Variants in LVRN observed in about 807,000 individuals in gnomAD.
LVRN encodes the protein laeverin, also known as aminopeptidase Q.
Under a neutral mutation model 111.4 loss-of-function variants are expected in LVRN, and 99 were observed. That is an observed-to-expected ratio of 0.89 (90% CI 0.76 to 1.05). The LOEUF is 1.05. LVRN is among the 50% of genes least tolerant of loss of function. The pLI, the probability that LVRN is intolerant of heterozygous loss-of-function variation, is 0.00. For synonymous variants in LVRN, 488 were observed against 449.5 expected (o/e 1.09, Z -1.08); for missense variants, 1,414 against 1,206.8 (o/e 1.17, Z -2.54).
rs775716633 is a variant in LVRN, at chr5:116,000,646, G to T, written c.1635G>T (p.Arg545Ser). 5 of 1,613,746 alleles carry T rather than the reference G, an allele frequency of 3.1e-6. No homozygotes were observed. Among genetic ancestry groups the T allele is most frequent in the Non-Finnish European group, 4.2e-6 (5 of 1,179,818 alleles). ...YSNAEQDDLW[R>S]HFQMAIDDQS... Reference sequence around the variant, plus strand: ...ACGCTGAGCAAGATGATCTATGGAGGCATTTTCAAATGGTAATTGTCCTAC... The same window carrying T: ...ACGCTGAGCAAGATGATCTATGGAGTCATTTTCAAATGGTAATTGTCCTAC... The change falls in exon 9 of 20, where the codon AGG becomes AGT. Residue 545 changes from arginine to serine, a missense_variant. By Grantham distance (110) the Arg-to-Ser change is moderately radical (BLOSUM62 -1). Coordinates refer to ENST00000357872, the MANE Select transcript of LVRN (RefSeq NM_173800.5).
At chr5:116,018,886 G>A (rs2560691) in intron 18 of LVRN, among the ~76,000 whole-genome samples, 43,147 of 151,904 alleles carry the variant, frequency 0.28, 6,545 homozygotes, top group African/African-American at 0.37. Context: ...TAAGTTCACA[G>A]CAAAATTAAG....
intron 1 of LVRN, 77 bp from the exon 2 acceptor site, chr5:115,983,210 C>T: frequency 7.0e-7 from 1 of 1,431,242 alleles, no homozygotes; most frequent in Non-Finnish European, 9.2e-7. Context: ...AACTTACAAG[C>T]CATCATCTCT....
chr5:115,988,598 T>G (rs1204727648), intron 4 of LVRN, among the ~76,000 whole-genome samples: 3 of 152,162 alleles, frequency 2.0e-5, no homozygotes, highest in Admixed American at 6.5e-5. Flanking sequence ...GACATGTTAG[T>G]TGAAGACTTG....
chr5:115,997,508 T>A (rs1350664014), intron 6 of LVRN, among the ~76,000 whole-genome samples: 1 of 151,954 alleles, frequency 6.6e-6, no homozygotes, highest in Non-Finnish European at 1.5e-5. Flanking sequence ...TACTAAAATT[T>A]TTTTAATTAG....
rs79475794 is a variant in LVRN at position 116,022,184 on chromosome 5, G to T, written c.2757-207G>T. 2,692 of 432,456 alleles carry T rather than the reference G, an allele frequency of 6.2e-3. 71 individuals are homozygous for T. Among genetic ancestry groups the T allele is most frequent in the African/African-American group, 0.052 (2,476 of 47,800 alleles). The allele number at this position is 432,456 out of a possible 1,614,324, so 26.8% of individuals were successfully genotyped here. On this transcript the variant is annotated intron_variant, in intron 18 of 19. Coordinates refer to ENST00000357872, the MANE Select transcript of LVRN (RefSeq NM_173800.5). ...TTTTAGATTTAGATAATAGATTTGT[G>T]TAACACATATAAGTATTTAACTTCC...
intron 10 of LVRN, 77 bp from the exon 11 acceptor site, chr5:116,002,758 C>A: frequency 9.5e-7 from 1 of 1,056,660 alleles, no homozygotes. Flanking sequence ...GCTATTTCAT[C>A]ATCTCTTTAA....
At chr5:116,003,007 T>C (rs1346479) in intron 11 of LVRN, 96 bp downstream of exon 11, 514,962 of 1,093,286 alleles carry the variant, frequency 0.47, 122,408 homozygotes, top group South Asian at 0.53. Context: ...AGCCATTTCA[T>C]TTCAAACTAA....
intron 1 of LVRN, among the ~76,000 whole-genome samples, chr5:115,967,132 G>T (rs953412350): frequency 2.6e-5 from 4 of 152,204 alleles, no homozygotes; most frequent in Admixed American, 6.5e-5. Flanking sequence ...GAGAATAAAA[G>T]TTTTAAATAA....
chr5:116,017,770 A>T (rs1238003469), intron 18 of LVRN, among the ~76,000 whole-genome samples: 1 of 152,246 alleles, frequency 6.6e-6, no homozygotes, highest in African/African-American at 2.4e-5. Context: ...TTGGTACATA[A>T]TAAATGTTTA....
intron 18 of LVRN, among the ~76,000 whole-genome samples, chr5:116,017,441 G>A (rs943473984): frequency 6.6e-6 from 1 of 152,158 alleles, no homozygotes; most frequent in Admixed American, 6.6e-5. Flanking sequence ...CTAGAATCGG[G>A]GCATGGGGAT....
At chr5:115,987,665 G>A in intron 3 of LVRN, 148 bp from the exon 4 acceptor site, 1 of 890,374 alleles carries the variant, frequency 1.1e-6, no homozygotes, top group South Asian at 1.8e-5. Flanking sequence ...GTTTTCTCAG[G>A]ACATGTAAGC....
chr5:115,973,726 A>G, intron 1 of LVRN, among the ~76,000 whole-genome samples: 1 of 152,230 alleles, frequency 6.6e-6, no homozygotes, highest in East Asian at 1.9e-4. Flanking sequence ...TATTTTAAAC[A>G]TCTATAAAAT....
At chr5:115,971,438 C>T (rs1376609421) in intron 1 of LVRN, among the ~76,000 whole-genome samples, 1 of 151,962 alleles carries the variant, frequency 6.6e-6, no homozygotes, top group East Asian at 1.9e-4. Flanking sequence ...TCTTCTATGC[C>T]TTCTTTCAGA....
intron 1 of LVRN, among the ~76,000 whole-genome samples, chr5:115,965,655 T>C (rs1416662468): frequency 1.3e-5 from 2 of 152,140 alleles, no homozygotes; most frequent in Non-Finnish European, 2.9e-5. Flanking sequence ...AATTGGAACA[T>C]GGGGGTGGTT....
intron 6 of LVRN, 119 bp downstream of exon 6, chr5:115,993,973 T>C (rs1326644671): frequency 3.8e-6 from 2 of 533,180 alleles, no homozygotes; most frequent in Admixed American, 4.1e-5. Flanking sequence ...TTACCTATAA[T>C]ACCAAAAATA....
intron 1 of LVRN, among the ~76,000 whole-genome samples, chr5:115,977,448 T>C (rs1192541881): frequency 6.6e-6 from 1 of 152,154 alleles, no homozygotes; most frequent in African/African-American, 2.4e-5. Flanking sequence ...GAAATAGTTG[T>C]TTTATATATT....
chr5:115,984,810 C>G, intron 3 of LVRN, 101 bp downstream of exon 3: 1 of 1,471,328 alleles, frequency 6.8e-7, no homozygotes, highest in Non-Finnish European at 9.2e-7. Context: ...ATCCCCAAAT[C>G]GCTTCCTAGT....
intron 1 of LVRN, among the ~76,000 whole-genome samples, chr5:115,970,384 C>CTTTT (rs3984987): frequency 9.0e-4 from 120 of 133,834 alleles, no homozygotes; most frequent in African/African-American, 2.3e-3. Flanking sequence ...GAAATACATT[C>CTTTT]TTTTTTTTTT....
intron 3 of LVRN, among the ~76,000 whole-genome samples, chr5:115,987,461 T>G (rs1245871991): frequency 6.6e-6 from 1 of 152,138 alleles, no homozygotes; most frequent in Non-Finnish European, 1.5e-5. Flanking sequence ...TAGTAATATA[T>G]CCTGAAATGG....
Sources: gnomAD v4.1 joint callset for allele counts (sites outside exome capture counted in the v4.1 genomes callset) on GRCh38, gnomAD v4.1.1 for gene constraint, MANE v1.5 for transcripts, NCBI Gene and HGNC (gene_info 2026-07-23, HGNC 2026-07-21) for gene names.